Variants in GABRG3 observed in about 807,000 individuals in gnomAD.
The protein encoded by GABRG3 is gamma-aminobutyric acid receptor subunit gamma-3.
GABRG3 carries 25 observed loss-of-function variants against 48.8 expected under a neutral mutation model. The observed-to-expected ratio is 0.51, with a 90% confidence interval of 0.37 to 0.72. The LOEUF is 0.72. GABRG3 is among the 30% of genes least tolerant of loss of function. GABRG3 has a pLI of 0.00. For synonymous variants in GABRG3, 227 were observed against 217.6 expected (o/e 1.04, Z -0.38); for missense variants, 394 against 577.9 (o/e 0.68, Z 3.26).
intron 5 of GABRG3, among the ~76,000 whole-genome samples, chr15:27,462,685 A>G (rs1889485698): frequency 6.6e-6 from 1 of 152,198 alleles, no homozygotes; most frequent in Non-Finnish European, 1.5e-5. Flanking sequence ...CTTTTGTGCT[A>G]CAATGTGAAA....
chr15:27,212,238 A>G (rs895590258), intron 3 of GABRG3, among the ~76,000 whole-genome samples: 5 of 152,216 alleles, frequency 3.3e-5, no homozygotes, highest in Admixed American at 3.3e-4. Context: ...AAACAGTGGC[A>G]TACATGTAAT....
rs1887876918 is a variant in GABRG3 at position 27,180,053 on chromosome 15, A to G, written c.271-146756A>G. On this transcript the variant is annotated intron_variant, in intron 3 of 9. Coordinates refer to ENST00000615808, the MANE Select transcript of GABRG3 (RefSeq NM_033223.5). This position sits in a 1 kb window ranked among gnomAD's most constrained non-coding sequence, Gnocchi z 4.2. ...TGGCCTTCTGCAGAGCCACTGCCTGATCGAACATCTCTGTGAGTCTTGGCC... is the reference window on the plus strand; with the variant it reads ...TGGCCTTCTGCAGAGCCACTGCCTGGTCGAACATCTCTGTGAGTCTTGGCC... Among the ~76,000 whole-genome samples, 1 of 152,192 alleles carries G rather than the reference A, an allele frequency of 6.6e-6. No individual in the cohort carries two copies. Among genetic ancestry groups the G allele is most frequent in the South Asian group, 2.1e-4 (1 of 4,834 alleles).
intron 5 of GABRG3, among the ~76,000 whole-genome samples, chr15:27,395,004 G>A (rs2140580597): frequency 6.6e-6 from 1 of 152,168 alleles, no homozygotes; most frequent in East Asian, 1.9e-4. Flanking sequence ...TTTATATTAT[G>A]TTTAGAAAGT....
chr15:27,375,558 A>C (rs1401792925), intron 5 of GABRG3, among the ~76,000 whole-genome samples: 1 of 152,150 alleles, frequency 6.6e-6, no homozygotes, highest in East Asian at 1.9e-4. Context: ...AAGAGATTTA[A>C]TTGGACTCAC....
intron 5 of GABRG3, among the ~76,000 whole-genome samples, chr15:27,344,252 A>T (rs779946899): frequency 7.2e-5 from 11 of 152,224 alleles, no homozygotes; most frequent in African/African-American, 2.7e-4. Context: ...TATCAGAGAC[A>T]CTGGGGCCAA....
intron 3 of GABRG3, among the ~76,000 whole-genome samples, chr15:27,121,094 A>C (rs1897723098): frequency 6.6e-6 from 1 of 152,134 alleles, no homozygotes; most frequent in Non-Finnish European, 1.5e-5. Context: ...AGCTAGCAAA[A>C]TTCTTTTAGA....
At chr15:27,256,124 G>T (rs575772198) in intron 3 of GABRG3, among the ~76,000 whole-genome samples, 37 of 152,246 alleles carry the variant, frequency 2.4e-4, no homozygotes, top group African/African-American at 8.4e-4. Context: ...AGGCAAGAGG[G>T]TCAGAGTAGA....
intron 3 of GABRG3, among the ~76,000 whole-genome samples, chr15:27,323,066 T>C (rs989880162): frequency 6.6e-6 from 1 of 151,998 alleles, no homozygotes; most frequent in Non-Finnish European, 1.5e-5. Context: ...CACAAACTGC[T>C]CCTAATGGGG....
chr15:27,497,792 TCTTA>T (rs1890523161), intron 6 of GABRG3, among the ~76,000 whole-genome samples: 1 of 152,168 alleles, frequency 6.6e-6, no homozygotes, highest in South Asian at 2.1e-4. Flanking sequence ...CATATTTTTG[TCTTA>T]CTTCTAATGG....
intron 3 of GABRG3, among the ~76,000 whole-genome samples, chr15:27,163,491 A>G (rs1395100055): frequency 1.3e-5 from 2 of 152,032 alleles, no homozygotes; most frequent in East Asian, 1.9e-4. Flanking sequence ...GGAGCATTTC[A>G]TTTTAGAAAA....
chr15:27,049,410 G>A (rs559307878), intron 3 of GABRG3, among the ~76,000 whole-genome samples: 40 of 152,288 alleles, frequency 2.6e-4, no homozygotes, highest in African/African-American at 9.4e-4. Flanking sequence ...GCTTCACACT[G>A]TTTGTATTAG....
At chr15:27,246,959 A>G (rs565182171) in intron 3 of GABRG3, among the ~76,000 whole-genome samples, 5 of 152,304 alleles carry the variant, frequency 3.3e-5, no homozygotes, top group East Asian at 3.9e-4. Context: ...ACACATGTAC[A>G]TACTCCTATC....
intron 5 of GABRG3, among the ~76,000 whole-genome samples, chr15:27,467,924 CACCACACTGAGT>C: frequency 6.6e-6 from 1 of 152,298 alleles, no homozygotes; most frequent in South Asian, 2.1e-4. Context: ...TTACATTGGG[CACCACACTGAGT>C]AGTGTGATGA....
At chr15:27,074,763 G>C (rs898804337) in intron 3 of GABRG3, among the ~76,000 whole-genome samples, 2 of 152,064 alleles carry the variant, frequency 1.3e-5, no homozygotes, top group Non-Finnish European at 2.9e-5. Flanking sequence ...TCAAATGTAG[G>C]ATTTAGTGTA....
chr15:27,396,869 A>G (rs1887315037), intron 5 of GABRG3, among the ~76,000 whole-genome samples: 1 of 152,202 alleles, frequency 6.6e-6, no homozygotes. Flanking sequence ...TACATATTGT[A>G]TGATTTTATT....
chr15:27,028,357 T>C (rs901666683), intron 3 of GABRG3, among the ~76,000 whole-genome samples: 1 of 152,110 alleles, frequency 6.6e-6, no homozygotes, highest in Non-Finnish European at 1.5e-5. Flanking sequence ...GAGAGATGCC[T>C]GGAGGGGCAC....
intron 3 of GABRG3, among the ~76,000 whole-genome samples, chr15:27,098,357 C>T (rs1897300419): frequency 6.6e-6 from 1 of 152,104 alleles, no homozygotes; most frequent in African/African-American, 2.4e-5. Context: ...TTGCTTGAAC[C>T]TGGGAGGCAG....
chr15:27,224,183 G>A (rs1450133532), intron 3 of GABRG3, among the ~76,000 whole-genome samples: 4 of 152,188 alleles, frequency 2.6e-5, no homozygotes, highest in Non-Finnish European at 2.9e-5. Flanking sequence ...GGGGTTTGGG[G>A]GTGCCGCATG....
intron 3 of GABRG3, among the ~76,000 whole-genome samples, chr15:27,071,414 C>T (rs748420659): frequency 1.3e-5 from 2 of 152,230 alleles, no homozygotes; most frequent in South Asian, 4.1e-4. Context: ...ACCTGCCCCA[C>T]ACCTGCTTTG....
Sources: allele counts gnomAD v4.1 joint callset (sites outside exome capture counted in the v4.1 genomes callset), GRCh38; gene constraint gnomAD v4.1.1; non-coding constraint Gnocchi (gnomAD v3.1); transcripts MANE v1.5; gene names NCBI Gene and HGNC (gene_info 2026-07-23, HGNC 2026-07-21).